The following AKNA variants were observed in gnomAD, a reference collection of about 807,000 sequenced individuals.
The protein encoded by AKNA is microtubule organization protein AKNA.
Under a neutral mutation model 138.8 loss-of-function variants are expected in AKNA, and 67 were observed. That is an observed-to-expected ratio of 0.48 (90% CI 0.40 to 0.59). AKNA has a LOEUF of 0.59. Among genes scored for constraint, AKNA ranks in the 20% least tolerant of loss-of-function variants. AKNA has a pLI of 0.00. For synonymous variants in AKNA, 737 were observed against 754.4 expected, an observed-to-expected ratio of 0.98 and a Z score of 0.38; for missense variants, 1,813 against 1,880.4, an observed-to-expected ratio of 0.96 and a Z score of 0.66.
chr9:114,353,625 C>A (rs1275193106), intron 14 of AKNA, among the ~76,000 whole-genome samples: 1 of 152,184 alleles, frequency 6.6e-6, no homozygotes, highest in African/African-American at 2.4e-5. Flanking sequence ...CCCAGAAACA[C>A]ATTGTTATTC....
intron 9 of AKNA, among the ~76,000 whole-genome samples, chr9:114,361,099 C>T (rs1293583530): frequency 1.3e-5 from 2 of 152,208 alleles, no homozygotes; most frequent in Non-Finnish European, 2.9e-5. Flanking sequence ...CATCTTATGT[C>T]ATCCCCTGCC....
At chr9:114,347,607 G>T in intron 16 of AKNA, 117 bp downstream of exon 16, 2 of 1,058,368 alleles carry the variant, frequency 1.9e-6, no homozygotes, top group Non-Finnish European at 2.6e-6. Context: ...GAATGAATGA[G>T]TGAGAGAGGG....
In AKNA at chr9:114,355,463, C is replaced by T. The variant is rs149045178; in HGVS notation, c.3058+462G>A. ...AAGTGCTGGGATTACAGGCACGAGC[C>T]GCTGCACCCGGCTGGGACTGTACTT... On this transcript the variant is annotated intron_variant, in intron 14 of 21. Coordinates refer to ENST00000374088, the MANE Select transcript of AKNA (RefSeq NM_001317950.2). Among the ~76,000 whole-genome samples, 788 of 152,332 alleles carry T rather than the reference C, an allele frequency of 5.2e-3. 4 individuals carry two copies. The highest frequency in any genetic ancestry group is 0.018 in the African/African-American group (761 of 41,564).
rs193196892 is a variant in AKNA at position 114,334,692 on chromosome 9, G to T, written c.*2362C>A. The T allele has an allele frequency of 6.8e-6, 1 of 147,008 alleles. No homozygotes were observed. Among genetic ancestry groups the T allele is most frequent in the East Asian group, 1.9e-4 (1 of 5,184 alleles). 9.1% of individuals were successfully genotyped at this position (147,008 alleles called of 1,614,324 possible). A position where few individuals can be genotyped will look rare whatever the true frequency, so the allele number is the denominator to read the frequency against. Reference sequence around the variant, plus strand: ...ACGTGAGGGAAGCAGCACCCCTTCCGTGGCAGAAAAGTTGGGCCTGAATTG... The same window carrying T: ...ACGTGAGGGAAGCAGCACCCCTTCCTTGGCAGAAAAGTTGGGCCTGAATTG... On this transcript the variant is annotated 3_prime_UTR_variant, in exon 22 of 22. Transcript: ENST00000374088.
In AKNA at chr9:114,376,657, G is replaced by A. The variant is rs372829482; in HGVS notation, c.1150C>T (p.His384Tyr). ...ESYRPPKSRS[H>Y]NRKPQAPARP... is the part of the protein sequence containing the mutation. ...GCAGGGGCCTGAGGCTTCCTGTTGT[G>A]GCTTCTGGACTTGGGGGGACGGTAG... The change falls in exon 3 of 22, where the codon CAC (histidine) becomes TAC (tyrosine). Residue 384 changes from histidine (H) to tyrosine (Y), a missense_variant. Coordinates refer to ENST00000374088, the MANE Select transcript of AKNA (RefSeq NM_001317950.2). 57 of 1,613,824 alleles carry A rather than the reference G, an allele frequency of 3.5e-5. No individual in the cohort carries two copies. Among genetic ancestry groups the A allele is most frequent in the Non-Finnish European group, 4.4e-5 (52 of 1,179,968 alleles).
intron 5 of AKNA, 69 bp from the exon 6 acceptor site, chr9:114,367,766 A>C (rs1832471225): frequency 2.0e-6 from 3 of 1,479,724 alleles, no homozygotes; most frequent in Non-Finnish European, 2.7e-6. Flanking sequence ...ACTGAGGCTG[A>C]ACGTCAAAGC....
chr9:114,381,655 GTT>G (rs1160552279), intron 1 of AKNA, among the ~76,000 whole-genome samples: 3 of 82,908 alleles, frequency 3.6e-5, no homozygotes, highest in African/African-American at 9.8e-5. Flanking sequence ...TCTCTCCAGG[GTT>G]TTTTTTTTTT....
upstream of AKNA, among the ~76,000 whole-genome samples, chr9:114,397,397 A>T (rs949448222): frequency 1.3e-5 from 2 of 152,220 alleles, no homozygotes; most frequent in African/African-American, 4.8e-5. Flanking sequence ...TTCATGCTTC[A>T]GTTCCAGCCC....
Position 114,342,129 on chromosome 9 carries a change from G to C in AKNA, c.3758-4C>G. 1 of 1,562,768 alleles carries C rather than the reference G, an allele frequency of 6.4e-7. No homozygotes were observed. The highest frequency in any genetic ancestry group is 8.7e-7 in the Non-Finnish European group (1 of 1,154,960). On this transcript the variant is annotated splice_region_variant and splice_polypyrimidine_tract_variant and intron_variant, in intron 19 of 21. Transcript: ENST00000374088. Reference sequence around the variant, plus strand: ...GGGTCCCCTGTGACAGCACCACCTAGAAGAGGAGGAAGAGATGTCAGGGGA... The same window carrying C: ...GGGTCCCCTGTGACAGCACCACCTACAAGAGGAGGAAGAGATGTCAGGGGA...
At chr9:114,343,911 TCTG>T in intron 18 of AKNA, 108 bp from the exon 19 acceptor site, 4 of 936,094 alleles carry the variant, frequency 4.3e-6, no homozygotes, top group Admixed American at 2.7e-5. Flanking sequence ...TTTAATAGTC[TCTG>T]TCTCTCTCTC....
At chr9:114,351,635 A>G (rs937178831) in intron 14 of AKNA, among the ~76,000 whole-genome samples, 11 of 138,890 alleles carry the variant, frequency 7.9e-5, no homozygotes, top group African/African-American at 3.1e-4. Flanking sequence ...TAATATAGAA[A>G]GACCCCATCT....
chr9:114,354,183 T>G (rs1022092284), intron 14 of AKNA, among the ~76,000 whole-genome samples: 1 of 152,222 alleles, frequency 6.6e-6, no homozygotes, highest in Non-Finnish European at 1.5e-5. Flanking sequence ...TTTTTTCTAT[T>G]TTTAACTTTT....
chr9:114,331,339 G>A (rs1829848009), downstream of AKNA, among the ~76,000 whole-genome samples: 1 of 152,048 alleles, frequency 6.6e-6, no homozygotes, highest in Non-Finnish European at 1.5e-5. Flanking sequence ...CGGGGAGAAA[G>A]GCCCTGACAG....
chr9:114,380,758 G>C (rs377094875), intron 2 of AKNA, among the ~76,000 whole-genome samples: 8 of 149,784 alleles, frequency 5.3e-5, no homozygotes, highest in African/African-American at 1.5e-4. Flanking sequence ...GGCGGATCAC[G>C]AGGTCAAGAG....
chr9:114,346,120 C>T, intron 17 of AKNA, 111 bp from the exon 18 acceptor site: 1 of 1,055,260 alleles, frequency 9.5e-7, no homozygotes, highest in African/African-American at 1.6e-5. Flanking sequence ...GGGTTTTAAT[C>T]CCCAGTCTCC....
chr9:114,346,833 C>G, intron 16 of AKNA, 49 bp from the exon 17 acceptor site: 2 of 1,501,134 alleles, frequency 1.3e-6, no homozygotes, highest in Non-Finnish European at 1.8e-6. Context: ...TTTTGTGTGG[C>G]CTTTAAAGGT....
intron 4 of AKNA, among the ~76,000 whole-genome samples, chr9:114,370,937 C>T (rs968148292): frequency 6.6e-6 from 1 of 152,232 alleles, no homozygotes; most frequent in African/African-American, 2.4e-5. Context: ...TTTACATCAT[C>T]TCCGTAATTC....
In AKNA at chr9:114,376,767, G is replaced by A; in HGVS notation, c.1040C>T (p.Pro347Leu). ...GTTCAACTGCCCCCGGCCATACTTG[G>A]GGGCATTAGAAGAGGAGCGGCCAGC... is the stretch of plus-strand genomic sequence containing the variant. ...TLAGRSSSNA[P>L]KYGRGQLNYP... The change falls in exon 3 of 22, where the codon CCC (proline) becomes CTC (leucine). Residue 347 changes from proline (P) to leucine (L), a missense_variant. Transcript: ENST00000374088. 6.2e-7 allele frequency: 1 copy of A among 1,612,862 alleles called. No individual in the cohort carries two copies. Among genetic ancestry groups the A allele is most frequent in the African/African-American group, 1.3e-5 (1 of 74,988 alleles).
At chr9:114,330,896 G>C (rs760395032), downstream of AKNA, 1 of 1,581,468 alleles carries the variant, frequency 6.3e-7, no homozygotes. Flanking sequence ...AGGGTTCACC[G>C]TGGGAACAGG....
Sources: gnomAD v4.1 joint callset for allele counts (sites outside exome capture counted in the v4.1 genomes callset) on GRCh38, gnomAD v4.1.1 for gene constraint, MANE v1.5 for transcripts, NCBI Gene and HGNC (gene_info 2026-07-23, HGNC 2026-07-21) for gene names.